The following KLHL4 variants were observed in gnomAD, a reference collection of about 807,000 sequenced individuals.
KLHL4 encodes the protein kelch like family member 4.
A neutral mutation model predicts 45.8 loss-of-function variants in KLHL4; 17 were observed. The observed-to-expected ratio is 0.37, with a 90% CI of 0.25 to 0.56. The LOEUF (loss-of-function observed/expected upper bound fraction) is 0.56, where lower values mean the gene tolerates loss of function less well. Ranked by LOEUF, KLHL4 falls within the 20% of genes least tolerant of loss-of-function variation. The probability of loss-of-function intolerance (pLI) is 0.79; values close to 1 mark genes in which losing one functional copy is unlikely to be tolerated. For missense variants in KLHL4, 544 were observed against 544.9 expected (o/e 1.00, Z 0.02); for synonymous variants, 224 against 189.9 (o/e 1.18, Z -1.47).
intron 1 of KLHL4, among the ~76,000 whole-genome samples, chrX:87,595,953 G>T (rs973135634): frequency 1.8e-5 from 2 of 111,427 alleles, no homozygotes; most frequent in Admixed American, 1.9e-4. Flanking sequence ...GAGGTGATTG[G>T]ATCATGGAGG....
intron 9 of KLHL4, among the ~76,000 whole-genome samples, chrX:87,645,208 TAAAC>T (rs1296974603): frequency 9.0e-6 from 1 of 110,702 alleles, no homozygotes; most frequent in Admixed American, 9.6e-5. Context: ...CAGTAAGAAA[TAAAC>T]AAACAATCCC....
intron 1 of KLHL4, among the ~76,000 whole-genome samples, chrX:87,604,402 C>T (rs976127103): frequency 9.0e-6 from 1 of 111,294 alleles, no homozygotes; most frequent in African/African-American, 3.3e-5. Flanking sequence ...TCACTTTTCT[C>T]AACAAACTCA....
At chrX:87,599,020 T>G (rs1921925891) in intron 1 of KLHL4, among the ~76,000 whole-genome samples, 1 of 110,991 alleles carries the variant, frequency 9.0e-6, no homozygotes. Context: ...ACATATTTAG[T>G]CATTATGTGT....
intron 1 of KLHL4, among the ~76,000 whole-genome samples, chrX:87,590,206 T>C (rs926943253): frequency 2.7e-5 from 3 of 110,952 alleles, no homozygotes; most frequent in Non-Finnish European, 5.7e-5. Context: ...ATTATGTGCT[T>C]ACTTTATATT....
intron 1 of KLHL4, among the ~76,000 whole-genome samples, chrX:87,575,584 G>A (rs751969462): frequency 1.8e-4 from 20 of 111,885 alleles, no homozygotes; most frequent in South Asian, 3.7e-4. Context: ...GAGGGAAATC[G>A]AAACTGAAGA....
chrX:87,641,470 T>G (rs1327442185), intron 9 of KLHL4, among the ~76,000 whole-genome samples: 2 of 110,824 alleles, frequency 1.8e-5, no homozygotes, highest in Non-Finnish European at 3.8e-5. Flanking sequence ...AAGCAGGGAG[T>G]AAAACTCCAC....
intron 1 of KLHL4, among the ~76,000 whole-genome samples, chrX:87,577,996 A>G (rs1921151405): frequency 9.0e-6 from 1 of 111,701 alleles, no homozygotes; most frequent in Non-Finnish European, 1.9e-5. Context: ...AAAAAATCCT[A>G]CAAATATATT....
chrX:87,576,938 T>C (rs952047711), intron 1 of KLHL4, among the ~76,000 whole-genome samples: 1 of 112,273 alleles, frequency 8.9e-6, no homozygotes, highest in African/African-American at 3.2e-5. Context: ...TTTATTAAAA[T>C]TACAAAATAA....
Position 87,614,016 on chromosome X carries a change from G to T in KLHL4, c.562G>T (p.Ala188Ser). Residue 188 changes from alanine to serine, a missense_variant, in exon 2 of 11, where the codon GCA becomes TCA. Physicochemically the swap from Ala to Ser is moderately conservative, Grantham distance 99. Coordinates refer to ENST00000373119, the MANE Select transcript of KLHL4 (RefSeq NM_019117.5). ...EKQLCDVLLI[A>S]GHLRIPAHRL... ...ACAACTATGTGATGTGCTACTGATTGCAGGACACCTCCGCATCCCAGCCCA... is the reference window on the plus strand; with the variant it reads ...ACAACTATGTGATGTGCTACTGATTTCAGGACACCTCCGCATCCCAGCCCA... 8 of 1,205,869 alleles carry T rather than the reference G, an allele frequency of 6.6e-6. No individual in the cohort carries two copies. Among genetic ancestry groups the T allele is most frequent in the Non-Finnish European group, 9.0e-6 (8 of 892,692 alleles).
At chrX:87,658,760 C>T (rs978432699) in intron 9 of KLHL4, among the ~76,000 whole-genome samples, 3 of 111,295 alleles carry the variant, frequency 2.7e-5, no homozygotes, top group Non-Finnish European at 5.7e-5. Flanking sequence ...TTTGCTACTT[C>T]CTCGTGAGTG....
At chrX:87,635,517 G>A (rs1222351614) in intron 8 of KLHL4, 46 bp from the exon 9 acceptor site, 9 of 971,948 alleles carry the variant, frequency 9.3e-6, no homozygotes, top group Non-Finnish European at 1.3e-5. Context: ...GTGTGTATAT[G>A]TATACACACA....
chrX:87,539,124 A>C (rs1931498122), intron 1 of KLHL4, among the ~76,000 whole-genome samples: 1 of 111,246 alleles, frequency 9.0e-6, no homozygotes, highest in South Asian at 3.7e-4. Flanking sequence ...GATTCTGTAT[A>C]TTATACATAC....
intron 1 of KLHL4, among the ~76,000 whole-genome samples, chrX:87,545,367 A>T (rs1242320567): frequency 9.0e-6 from 1 of 111,359 alleles, no homozygotes; most frequent in Non-Finnish European, 1.9e-5. Context: ...CGATTTTGCC[A>T]TGCTGTTCCT....
At chrX:87,554,069 T>C (rs1183620783) in intron 1 of KLHL4, among the ~76,000 whole-genome samples, 1 of 100,294 alleles carries the variant, frequency 1.0e-5, no homozygotes, top group Admixed American at 1.1e-4. Flanking sequence ...TCTGTTCCAT[T>C]GATCTATATC....
intron 5 of KLHL4, 60 bp downstream of exon 5, chrX:87,622,483 C>G (rs1338281010): frequency 1.4e-6 from 1 of 733,185 alleles, no homozygotes; most frequent in African/African-American, 2.2e-5. Context: ...AGGCACTAAT[C>G]CATTTCTTAT....
At chrX:87,632,461 C>G in intron 7 of KLHL4, 27 bp downstream of exon 7, 1 of 1,023,814 alleles carries the variant, frequency 9.8e-7, no homozygotes, top group Non-Finnish European at 1.4e-6. Context: ...ATGTATTTTT[C>G]AAGAATGTAT....
chrX:87,656,486 A>G (rs764918456), intron 9 of KLHL4, among the ~76,000 whole-genome samples: 1 of 107,700 alleles, frequency 9.3e-6, no homozygotes, highest in Non-Finnish European at 1.9e-5. Flanking sequence ...TGAAGATTTC[A>G]TCTGTATTTT....
chrX:87,547,646 C>A (rs190064894), intron 1 of KLHL4, among the ~76,000 whole-genome samples: 1 of 110,185 alleles, frequency 9.1e-6, no homozygotes, highest in East Asian at 2.9e-4. Flanking sequence ...CACGTGAAAC[C>A]CTGTCTCTAC....
intron 1 of KLHL4, among the ~76,000 whole-genome samples, chrX:87,564,600 G>A (rs932895211): frequency 1.8e-5 from 2 of 111,443 alleles, no homozygotes; most frequent in Non-Finnish European, 3.8e-5. Context: ...AAGAAAGATA[G>A]TAAATATTGA....
Sources: allele counts gnomAD v4.1 joint callset (sites outside exome capture counted in the v4.1 genomes callset), GRCh38; gene constraint gnomAD v4.1.1; transcripts MANE v1.5; gene names NCBI Gene and HGNC (gene_info 2026-07-23, HGNC 2026-07-21).